PATJ: variants seen among roughly 807,000 people sequenced by gnomAD.
PATJ encodes the protein PATJ crumbs cell polarity complex component, also known as inaD-like protein.
In PATJ, 190 loss-of-function variants were observed where a neutral mutation model predicts 224.9. That is an observed-to-expected ratio of 0.84 (90% confidence interval 0.75 to 0.95). The LOEUF (loss-of-function observed/expected upper bound fraction) is 0.95. PATJ is among the 40% of genes least tolerant of loss of function. The probability of loss-of-function intolerance (pLI) is 0.00; values close to 1 mark genes in which losing one functional copy is unlikely to be tolerated. For missense variants in PATJ, 2,121 were observed against 2,270.3 expected, an observed-to-expected ratio of 0.93 and a Z score of 1.34; for synonymous variants, 769 against 820.3, an observed-to-expected ratio of 0.94 and a Z score of 1.07.
intron 33 of PATJ, among the ~76,000 whole-genome samples, chr1:62,090,362 T>C (rs74076527): frequency 2.2e-4 from 34 of 152,250 alleles, no homozygotes; most frequent in African/African-American, 7.0e-4. Context: ...GGATACAAGA[T>C]TGAGTGAGAT....
In PATJ at chr1:62,018,050, C is replaced by A; in HGVS notation, c.3959+103C>A. ...TGATTTGTCTAGCGAAATCACTGTT[C>A]CTTCTAAAAACATATATTCCTTTTG... On this transcript the variant is annotated intron_variant, in intron 29 of 43. Coordinates refer to ENST00000642238, the MANE Select transcript of PATJ (RefSeq NM_001350145.3). This position sits in a 1 kb window ranked among gnomAD's most constrained non-coding sequence, Gnocchi z 4.2. 2 of 643,618 alleles carry A rather than the reference C, an allele frequency of 3.1e-6. No individual in the cohort carries two copies. Among genetic ancestry groups the A allele is most frequent in the South Asian group, 2.0e-5 (1 of 48,848 alleles). The allele number at this position is 643,618 out of a possible 1,614,324, so 39.9% of individuals were successfully genotyped here. A position where few individuals can be genotyped will look rare whatever the true frequency, so the allele number is the denominator to read the frequency against.
intron 27 of PATJ, among the ~76,000 whole-genome samples, chr1:61,976,692 G>A (rs759963127): frequency 1.3e-5 from 2 of 151,956 alleles, no homozygotes; most frequent in Non-Finnish European, 1.5e-5. Context: ...ACAGGCATGC[G>A]CCAGTGTGCC....
At chr1:61,881,862 C>T (rs1446867706) in intron 21 of PATJ, among the ~76,000 whole-genome samples, 1 of 152,194 alleles carries the variant, frequency 6.6e-6, no homozygotes, top group African/African-American at 2.4e-5. Flanking sequence ...CAAAGATACA[C>T]TTGTTCCGTA....
At chr1:61,872,076 TTTC>T (rs1252586753) in intron 20 of PATJ, among the ~76,000 whole-genome samples, 2 of 152,116 alleles carry the variant, frequency 1.3e-5, no homozygotes, top group Admixed American at 6.6e-5. Context: ...GGATATCAAT[TTTC>T]TTCTTCTTCA....
At chr1:62,006,056 A>G (rs1646073270) in intron 28 of PATJ, among the ~76,000 whole-genome samples, 1 of 152,026 alleles carries the variant, frequency 6.6e-6, no homozygotes, top group Non-Finnish European at 1.5e-5. Context: ...AGGGTTTTTT[A>G]GTAGATTTAA....
chr1:61,975,019 T>C (rs1385793989), intron 27 of PATJ, among the ~76,000 whole-genome samples: 1 of 152,002 alleles, frequency 6.6e-6, no homozygotes, highest in African/African-American at 2.4e-5. Context: ...ATCTTGGCTT[T>C]CTGTGACCTT....
At chr1:61,939,676 C>CTTTTTTTTTTTTTTTT (rs71050183) in intron 27 of PATJ, among the ~76,000 whole-genome samples, 1 of 58,874 alleles carries the variant, frequency 1.7e-5, no homozygotes, top group African/African-American at 9.4e-5. Flanking sequence ...TTTCTATGTG[C>CTTTTTTTTTTTTTTTT]TTTTTTTTTT....
intron 31 of PATJ, among the ~76,000 whole-genome samples, chr1:62,055,045 CTG>C (rs1338062669): frequency 6.6e-6 from 1 of 151,724 alleles, no homozygotes; most frequent in Non-Finnish European, 1.5e-5. Context: ...CAGAGCGAGA[CTG>C]TGTCTCAAAA....
intron 27 of PATJ, among the ~76,000 whole-genome samples, chr1:61,954,761 T>TG (rs1412374262): frequency 6.6e-6 from 1 of 151,096 alleles, no homozygotes; most frequent in Non-Finnish European, 1.5e-5. Context: ...TATTGTTTTT[T>TG]TTTTTTTTTT....
intron 22 of PATJ, among the ~76,000 whole-genome samples, chr1:61,889,466 C>T (rs570932864): frequency 1.3e-5 from 2 of 152,252 alleles, no homozygotes; most frequent in African/African-American, 4.8e-5. Flanking sequence ...TTCCAAGAAC[C>T]CCACTGCGTG....
chr1:62,106,479 T>A lies in PATJ; in HGVS notation c.4378-1958T>A, dbSNP rs566191782. 1.3e-4 allele frequency among the ~76,000 whole-genome samples: 18 copies of A among 142,404 alleles called. No homozygotes were observed. In the South Asian group the frequency reaches 1.3e-3, roughly 10 times the overall value. 93.4% of individuals were successfully genotyped at this position (142,404 alleles called of 152,430 possible). The stretch of plus-strand genomic sequence containing the variant: ...AAGGGAGATGCAATCTCAAAAAAAA[T>A]TTTTTAAGTTAAAAAGCAAACAAAC... On this transcript the variant is annotated intron_variant, in intron 33 of 43. Transcript: ENST00000642238.
intron 27 of PATJ, among the ~76,000 whole-genome samples, chr1:61,971,403 A>G (rs916745449): frequency 2.0e-5 from 3 of 152,104 alleles, no homozygotes; most frequent in South Asian, 2.1e-4. Flanking sequence ...TAGTCCCAGC[A>G]CTTTGGGAGG....
intron 1 of PATJ, among the ~76,000 whole-genome samples, chr1:61,757,792 T>G (rs1292086091): frequency 1.3e-5 from 2 of 152,230 alleles, no homozygotes; most frequent in Non-Finnish European, 2.9e-5. Flanking sequence ...CTAGTAGTAG[T>G]CTCTGTTACT....
At chr1:62,099,139 G>A (rs1161621578) in intron 33 of PATJ, among the ~76,000 whole-genome samples, 3 of 151,986 alleles carry the variant, frequency 2.0e-5, no homozygotes, top group Non-Finnish European at 1.5e-5. Flanking sequence ...ATCAGCCCTC[G>A]TTGGTTTACG....
At chr1:61,839,942 T>C (rs1660815675) in intron 17 of PATJ, among the ~76,000 whole-genome samples, 1 of 152,032 alleles carries the variant, frequency 6.6e-6, no homozygotes, top group South Asian at 2.1e-4. Flanking sequence ...ATGTAAATAC[T>C]GTTAGTAATG....
At chr1:62,083,127 G>T (rs1489862262) in intron 32 of PATJ, among the ~76,000 whole-genome samples, 1 of 152,038 alleles carries the variant, frequency 6.6e-6, no homozygotes, top group East Asian at 1.9e-4. Flanking sequence ...AGGTTTCGTT[G>T]TTGTTGTTGC....
chr1:61,901,950 C>T (rs1221986036), intron 24 of PATJ, among the ~76,000 whole-genome samples: 4 of 152,136 alleles, frequency 2.6e-5, no homozygotes, highest in Admixed American at 2.6e-4. Flanking sequence ...AGGCCGAGCA[C>T]GGTGGCTCAT....
At chr1:61,767,428 A>C (rs1168339771) in intron 4 of PATJ, among the ~76,000 whole-genome samples, 2 of 152,050 alleles carry the variant, frequency 1.3e-5, no homozygotes, top group African/African-American at 4.8e-5. Flanking sequence ...AGCTCCAGGT[A>C]CCTAGGAGGC....
intron 22 of PATJ, among the ~76,000 whole-genome samples, chr1:61,893,041 G>A (rs1019021624): frequency 6.6e-6 from 1 of 152,138 alleles, no homozygotes. Context: ...TGTACAGTAA[G>A]AATATTTCAC....
Sources: allele counts gnomAD v4.1 joint callset (sites outside exome capture counted in the v4.1 genomes callset), GRCh38; gene constraint gnomAD v4.1.1; non-coding constraint Gnocchi (gnomAD v3.1); transcripts MANE v1.5; gene names NCBI Gene and HGNC (gene_info 2026-07-23, HGNC 2026-07-21).